MYOF: variants seen among roughly 807,000 people sequenced by gnomAD.
MYOF encodes the protein myoferlin.
A neutral mutation model predicts 284.2 loss-of-function variants in MYOF; 244 were observed. That is an observed-to-expected ratio of 0.86 (90% CI 0.77 to 0.95). MYOF has a LOEUF of 0.95. Ranked by LOEUF, MYOF falls within the 40% of genes least tolerant of loss-of-function variation. The pLI, the probability that MYOF is intolerant of heterozygous loss-of-function variation, is 0.00. For missense variants in MYOF, 2,496 were observed against 2,560.6 expected, an observed-to-expected ratio of 0.97 and a Z score of 0.54; for synonymous variants, 904 against 919.7, an observed-to-expected ratio of 0.98 and a Z score of 0.31.
rs1298170537 is a variant in MYOF at position 93,321,410 on chromosome 10, AC to A, written c.5457-1398del. Among the ~76,000 whole-genome samples, 28 of 138,450 alleles carry A rather than the reference AC, an allele frequency of 2.0e-4. No homozygotes were observed. The East Asian group carries it at 3.1e-3, about 15-fold the overall frequency. 90.8% of individuals were successfully genotyped at this position (138,450 alleles called of 152,430 possible). A position where few individuals can be genotyped will look rare whatever the true frequency, so the allele number is the denominator to read the frequency against. ...GTTGAAAGATTCCTTTTGACTATTA[AC>A]CTTTTTTTTTTTTTTTTTTTTTTTA... On this transcript the variant is annotated intron_variant, in intron 48 of 53. Transcript: ENST00000359263.
At chr10:93,365,507 A>G (rs1845286138) in intron 26 of MYOF, among the ~76,000 whole-genome samples, 2 of 152,222 alleles carry the variant, frequency 1.3e-5, no homozygotes, top group Admixed American at 1.3e-4. Flanking sequence ...TCTTGCAGAC[A>G]TTCTAGCATA....
At chr10:93,339,365 A>G (rs1034150871) in intron 39 of MYOF, among the ~76,000 whole-genome samples, 1 of 69,438 alleles carries the variant, frequency 1.4e-5, no homozygotes, top group Admixed American at 1.5e-4. Context: ...TATGCTTCTT[A>G]TTTGTGTGTG....
rs528296376 is a variant in MYOF at position 93,310,607 on chromosome 10, T to C, written c.5926A>G (p.Lys1976Glu). ...CCGGCTGGCCTCTCGTCGGCCTCCTTCTCGTTGAGGATTTCCAATGTCATC... is the reference window on the plus strand; with the variant it reads ...CCGGCTGGCCTCTCGTCGGCCTCCTCCTCGTTGAGGATTTCCAATGTCATC... ...VEMTLEILNE[K>E]EADERPAGKG... Residue 1976 changes from lysine (K) to glutamate (E), a missense_variant, in exon 52 of 54, where the codon AAG becomes GAG. This residue lies in a region of MYOF where 2,436 missense variants were observed against 2,480.7 expected (regional missense o/e 0.98). Transcript: ENST00000359263. The C allele has an allele frequency of 1.4e-5, 22 of 1,614,184 alleles. No homozygotes were observed. The highest frequency in any genetic ancestry group is 3.3e-4 in the Middle Eastern group (2 of 6,062).
intron 5 of MYOF, among the ~76,000 whole-genome samples, chr10:93,420,736 G>A (rs146497741): frequency 2.0e-5 from 3 of 152,134 alleles, no homozygotes; most frequent in Admixed American, 6.5e-5. Context: ...AGGAGGATGG[G>A]ACGCAGAGAT....
In MYOF at chr10:93,361,305, A is replaced by C; in HGVS notation, c.2974+147T>G. 4 of 701,784 alleles carry C rather than the reference A, an allele frequency of 5.7e-6. No homozygotes were observed. The East Asian group carries it at 1.1e-4, about 19-fold the overall frequency. The allele number at this position is 701,784 out of a possible 1,614,324, so 43.5% of individuals were successfully genotyped here. ...TGTGCGGCCTTGTTCCTAAAAGGCC[A>C]TGAACTGGTACCAGTCTGGCCTGGG... On this transcript the variant is annotated intron_variant, in intron 28 of 53. Coordinates refer to ENST00000359263, the MANE Select transcript of MYOF (RefSeq NM_013451.4).
At chr10:93,329,416 T>G (rs973834118) in intron 44 of MYOF, among the ~76,000 whole-genome samples, 3 of 152,220 alleles carry the variant, frequency 2.0e-5, no homozygotes, top group African/African-American at 7.2e-5. Flanking sequence ...GTCTCTGGGC[T>G]GCTAACTGTG....
chr10:93,409,000 A>G, intron 6 of MYOF, 85 bp from the exon 7 acceptor site: 1 of 1,576,756 alleles, frequency 6.3e-7, no homozygotes, highest in Non-Finnish European at 8.6e-7. Flanking sequence ...CATTTCCTTC[A>G]CCTATTAGGA....
At chr10:93,400,294 CTTATT>C (rs1305402755) in intron 12 of MYOF, among the ~76,000 whole-genome samples, 2 of 149,750 alleles carry the variant, frequency 1.3e-5, no homozygotes, top group South Asian at 2.1e-4. Context: ...TTTAATTTAC[CTTATT>C]TTATGTATTT....
chr10:93,404,006 A>G lies in MYOF; in HGVS notation c.843+17T>C, dbSNP rs766481308. 6.2e-7 allele frequency: 1 copy of G among 1,612,164 alleles called. No individual in the cohort carries two copies. Among genetic ancestry groups the G allele is most frequent in the Non-Finnish European group, 8.5e-7 (1 of 1,178,286 alleles). On this transcript the variant is annotated intron_variant, in intron 9 of 53. Coordinates refer to ENST00000359263, the MANE Select transcript of MYOF (RefSeq NM_013451.4). ...CATCTTTCTGTAAGTTGAATGAAGCAGACTGTTGTCACTCACCTTAAATTC... is the reference window on the plus strand; with the variant it reads ...CATCTTTCTGTAAGTTGAATGAAGCGGACTGTTGTCACTCACCTTAAATTC...
At chr10:93,396,257 A>G in intron 15 of MYOF, 33 bp from the exon 16 acceptor site, 1 of 1,485,306 alleles carries the variant, frequency 6.7e-7, no homozygotes, top group Non-Finnish European at 9.2e-7. Flanking sequence ...AAAATAAAAA[A>G]TAAAAGGTTC....
chr10:93,430,879 A>G (rs1232645560), intron 4 of MYOF, among the ~76,000 whole-genome samples: 1 of 152,208 alleles, frequency 6.6e-6, no homozygotes, highest in East Asian at 1.9e-4. Flanking sequence ...TTTAAAGCAC[A>G]CACACTTGAG....
intron 27 of MYOF, among the ~76,000 whole-genome samples, chr10:93,362,504 C>T (rs1238992294): frequency 2.0e-5 from 3 of 152,124 alleles, no homozygotes; most frequent in South Asian, 2.1e-4. Context: ...CTCAGCCTCC[C>T]GAAGTGCTGG....
At chr10:93,358,495 CA>C (rs1040636127) in intron 29 of MYOF, among the ~76,000 whole-genome samples, 2 of 152,160 alleles carry the variant, frequency 1.3e-5, no homozygotes, top group Non-Finnish European at 2.9e-5. Context: ...AAGATACATG[CA>C]TGCATATTTT....
chr10:93,323,028 G>C (rs766195472), intron 48 of MYOF, 50 bp downstream of exon 48: 2 of 1,523,536 alleles, frequency 1.3e-6, no homozygotes, highest in Non-Finnish European at 1.8e-6. Context: ...TCACGAAGGA[G>C]AGAGTCTGTT....
intron 26 of MYOF, 121 bp from the exon 27 acceptor site, chr10:93,364,196 C>A: frequency 1.4e-6 from 1 of 735,094 alleles, no homozygotes; most frequent in Non-Finnish European, 2.3e-6. Context: ...CCTCGCTTTA[C>A]CCCTGTTGGT....
chr10:93,478,195 G>A, intron 1 of MYOF: 1 of 340,422 alleles, frequency 2.9e-6, no homozygotes, highest in South Asian at 2.4e-5. Context: ...CTGTTTGGAG[G>A]ACTGTTTGGA....
At chr10:93,340,562 C>G (rs1843851899) in intron 38 of MYOF, among the ~76,000 whole-genome samples, 1 of 152,102 alleles carries the variant, frequency 6.6e-6, no homozygotes, top group South Asian at 2.1e-4. Flanking sequence ...CGTTTTAGTT[C>G]CTTAAATATA....
At chr10:93,451,039 G>T (rs2056574606) in intron 3 of MYOF, among the ~76,000 whole-genome samples, 1 of 152,122 alleles carries the variant, frequency 6.6e-6, no homozygotes, top group Admixed American at 6.6e-5. Flanking sequence ...CAGGTATTCT[G>T]GTTTTAAGTA....
In MYOF at chr10:93,308,569, A is replaced by G. The variant is rs111617031; in HGVS notation, c.6147+1451T>C. ...CACTGTACTCCAGCCTGGGTGATAG[A>G]GTGAGACTCTGTCTCAAAAAAAAAA... On this transcript the variant is annotated intron_variant, in intron 53 of 53. Coordinates refer to ENST00000359263, the MANE Select transcript of MYOF (RefSeq NM_013451.4). 4.9e-3 allele frequency among the ~76,000 whole-genome samples: 677 copies of G among 137,012 alleles called. 7 individuals are homozygous for G. Among genetic ancestry groups the G allele is most frequent in the African/African-American group, 0.017 (647 of 37,616 alleles). 89.9% of individuals were successfully genotyped at this position (137,012 alleles called of 152,430 possible). A position where few individuals can be genotyped will look rare whatever the true frequency, so the allele number is the denominator to read the frequency against.
Sources: allele counts gnomAD v4.1 joint callset (sites outside exome capture counted in the v4.1 genomes callset), GRCh38; gene constraint gnomAD v4.1.1; regional missense constraint gnomAD v4.1.1; transcripts MANE v1.5; gene names NCBI Gene and HGNC (gene_info 2026-07-23, HGNC 2026-07-21).